The following RAB11FIP4 variants were observed in gnomAD, a reference collection of about 807,000 sequenced individuals.
RAB11FIP4 encodes RAB11 family interacting protein 4.
Under a neutral mutation model 74.3 loss-of-function variants are expected in RAB11FIP4, and 23 were observed. The ratio of observed to expected loss-of-function variants is 0.31; its 90% CI spans 0.22 to 0.44. RAB11FIP4 has a LOEUF of 0.44. Among genes scored for constraint, RAB11FIP4 ranks in the 20% least tolerant of loss-of-function variants. RAB11FIP4 has a pLI of 1.00. For missense variants in RAB11FIP4, 630 were observed against 863.9 expected (o/e 0.73, Z 3.39); for synonymous variants, 360 against 359.9 (o/e 1.00, Z 0.00).
At chr17:31,487,576 C>G (rs901583044) in intron 3 of RAB11FIP4, among the ~76,000 whole-genome samples, 4 of 152,068 alleles carry the variant, frequency 2.6e-5, no homozygotes, top group Non-Finnish European at 5.9e-5. Context: ...GGGTAGGACT[C>G]TGGATGAAAG....
chr17:31,407,078 G>T (rs530169456), intron 1 of RAB11FIP4, among the ~76,000 whole-genome samples: 6 of 110,218 alleles, frequency 5.4e-5, no homozygotes, highest in Admixed American at 3.9e-4. Context: ...TTGAGACAAG[G>T]CTTCGCTCAG....
At chr17:31,425,291 C>T (rs2071237013) in intron 1 of RAB11FIP4, among the ~76,000 whole-genome samples, 1 of 152,344 alleles carries the variant, frequency 6.6e-6, no homozygotes, top group Admixed American at 6.5e-5. Context: ...TGCTTTGATT[C>T]CCGTGAGTAA....
intron 1 of RAB11FIP4, among the ~76,000 whole-genome samples, chr17:31,423,590 G>A (rs551097716): frequency 6.6e-6 from 1 of 152,036 alleles, no homozygotes; most frequent in Middle Eastern, 3.2e-3. Flanking sequence ...CCTGCCCTCT[G>A]TGAATTATAG....
Position 31,517,656 on chromosome 17 carries a change from C to T in RAB11FIP4, c.342C>T (p.Ser114=), listed in dbSNP as rs61750826. Residue 114 remains serine, a synonymous_variant, in exon 4 of 15, where the codon AGC becomes AGT. Coordinates refer to ENST00000621161, the MANE Select transcript of RAB11FIP4 (RefSeq NM_032932.6). ...PEIPDCVEQG[S]EVTGPTFADG... ...CTCTGCTCTCTCTTTCCCAGGGCAGCGAGGTCACAGGCCCCACCTTTGCTG... is the reference window on the plus strand; with the variant it reads ...CTCTGCTCTCTCTTTCCCAGGGCAGTGAGGTCACAGGCCCCACCTTTGCTG... The T allele has an allele frequency of 4.0e-3, 6,373 of 1,601,410 alleles. 139 individuals carry two copies. In the Admixed American group the frequency reaches 0.053, roughly 13 times the overall value.
At chr17:31,462,489 G>A (rs1384490401) in intron 3 of RAB11FIP4, among the ~76,000 whole-genome samples, 1 of 152,102 alleles carries the variant, frequency 6.6e-6, no homozygotes, top group Non-Finnish European at 1.5e-5. Flanking sequence ...CCCCAGCGAG[G>A]CACAGGGAGA....
intron 9 of RAB11FIP4, 82 bp downstream of exon 9, chr17:31,524,078 G>A: frequency 1.0e-6 from 1 of 990,918 alleles, no homozygotes; most frequent in South Asian, 1.4e-5. Context: ...CCTCCAGGAG[G>A]AGGCAGCCTC....
At chr17:31,464,749 CTTTTTTT>C (rs58083480) in intron 3 of RAB11FIP4, among the ~76,000 whole-genome samples, 18 of 39,640 alleles carry the variant, frequency 4.5e-4, no homozygotes, top group Admixed American at 1.7e-3. Context: ...CTGTGCCCGG[CTTTTTTT>C]TTTTTTTTTT....
chr17:31,463,401 G>T (rs1394922616), intron 3 of RAB11FIP4, among the ~76,000 whole-genome samples: 1 of 152,168 alleles, frequency 6.6e-6, no homozygotes, highest in Admixed American at 6.5e-5. Context: ...CGTGTGGTGG[G>T]CACTAGATCA....
At chr17:31,471,311 T>C (rs2071734684) in intron 3 of RAB11FIP4, among the ~76,000 whole-genome samples, 1 of 151,660 alleles carries the variant, frequency 6.6e-6, no homozygotes, top group Admixed American at 6.6e-5. Flanking sequence ...GTGATCCTCC[T>C]GCCTCAGCCT....
chr17:31,426,823 A>G (rs1206508525), intron 1 of RAB11FIP4, among the ~76,000 whole-genome samples: 1 of 151,858 alleles, frequency 6.6e-6, no homozygotes, highest in Admixed American at 6.6e-5. Flanking sequence ...GATGGTCTCA[A>G]TCTCTTGACC....
At chr17:31,428,165 G>C (rs1417596896) in intron 1 of RAB11FIP4, among the ~76,000 whole-genome samples, 2 of 152,208 alleles carry the variant, frequency 1.3e-5, no homozygotes, top group Non-Finnish European at 2.9e-5. Flanking sequence ...TTAGGGTGGG[G>C]CCTCTTTGTC....
intron 1 of RAB11FIP4, among the ~76,000 whole-genome samples, chr17:31,395,640 C>G (rs2070922111): frequency 6.6e-6 from 1 of 152,150 alleles, no homozygotes; most frequent in Non-Finnish European, 1.5e-5. Flanking sequence ...TAGGACCTCT[C>G]AAAATTGTCA....
In RAB11FIP4 at chr17:31,532,196, A is replaced by G. The variant is rs1393603510; in HGVS notation, c.*464A>G. The G allele has an allele frequency of 6.4e-6, 1 of 157,052 alleles. No homozygotes were observed. Among genetic ancestry groups the G allele is most frequent in the African/African-American group, 2.4e-5 (1 of 41,462 alleles). The allele number at this position is 157,052 out of a possible 1,614,324, so 9.7% of individuals were successfully genotyped here. On this transcript the variant is annotated 3_prime_UTR_variant, in exon 15 of 15. Coordinates refer to ENST00000621161, the MANE Select transcript of RAB11FIP4 (RefSeq NM_032932.6). ...TTTCCTAGGAGTTTGAATGCCCCATATTTGTGTCCTCGCCAGCTCTTTGGC... is the reference window on the plus strand; with the variant it reads ...TTTCCTAGGAGTTTGAATGCCCCATGTTTGTGTCCTCGCCAGCTCTTTGGC...
chr17:31,407,039 G>GTTTT (rs2071048730), intron 1 of RAB11FIP4, among the ~76,000 whole-genome samples: 1 of 62,786 alleles, frequency 1.6e-5, no homozygotes, highest in African/African-American at 5.2e-5. Flanking sequence ...TGTTTCACTT[G>GTTTT]ATTTTTTTTT....
rs146387517 is a variant in RAB11FIP4, at chr17:31,512,802, G to T, written c.337-4849G>T. Among the ~76,000 whole-genome samples, 1 of 151,766 alleles carries T rather than the reference G, an allele frequency of 6.6e-6. No individual in the cohort carries two copies. Among genetic ancestry groups the T allele is most frequent in the Non-Finnish European group, 1.5e-5 (1 of 67,904 alleles). ...GGCCAAGCTCCAGGCCTGGACATGT[G>T]TAGGGTCCCTGGGTGGTGACTGGAC... On this transcript the variant is annotated intron_variant, in intron 3 of 14. Coordinates refer to ENST00000621161, the MANE Select transcript of RAB11FIP4 (RefSeq NM_032932.6). The surrounding 1 kb of genome is among the most constrained non-coding windows in gnomAD (Gnocchi z 4.1).
chr17:31,522,486 G>T, intron 7 of RAB11FIP4, 91 bp downstream of exon 7: 1 of 1,265,564 alleles, frequency 7.9e-7, no homozygotes, highest in Non-Finnish European at 1.1e-6. Context: ...GACTCAGCTG[G>T]TGCCCGCATG....
At chr17:31,484,743 T>C (rs139872981) in intron 3 of RAB11FIP4, among the ~76,000 whole-genome samples, 38 of 152,234 alleles carry the variant, frequency 2.5e-4, no homozygotes, top group Non-Finnish European at 7.4e-5. Context: ...TCACCTCTGT[T>C]CCCCTCAGCC....
chr17:31,458,036 C>T (rs1177230831), intron 3 of RAB11FIP4, among the ~76,000 whole-genome samples: 2 of 152,202 alleles, frequency 1.3e-5, no homozygotes, highest in African/African-American at 2.4e-5. Flanking sequence ...TAACCACCCC[C>T]AGCAGACCAA....
intron 1 of RAB11FIP4, among the ~76,000 whole-genome samples, chr17:31,401,251 G>A (rs905370295): frequency 8.6e-5 from 13 of 150,432 alleles, no homozygotes; most frequent in African/African-American, 3.2e-4. Context: ...CAGCCTGGGC[G>A]ACACAGCGAG....
Sources: allele counts gnomAD v4.1 joint callset (sites outside exome capture counted in the v4.1 genomes callset), GRCh38; gene constraint gnomAD v4.1.1; non-coding constraint Gnocchi (gnomAD v3.1); transcripts MANE v1.5; gene names NCBI Gene and HGNC (gene_info 2026-07-23, HGNC 2026-07-21).